Variants in POC5 observed in about 807,000 individuals in gnomAD.
POC5 encodes centrosomal protein POC5.
Under a neutral mutation model 62.9 loss-of-function variants are expected in POC5, and 48 were observed. The ratio of observed to expected loss-of-function variants is 0.76; its 90% CI spans 0.61 to 0.97. The LOEUF (loss-of-function observed/expected upper bound fraction) is 0.97, where lower values mean the gene tolerates loss of function less well. Among genes scored for constraint, POC5 ranks in the 50% least tolerant of loss-of-function variants. The pLI is 0.00. For missense variants in POC5, 696 were observed against 679.5 expected (o/e 1.02, Z -0.27); for synonymous variants, 236 against 228.2 (o/e 1.03, Z -0.31).
chr5:75,704,369 A>G (rs1304107893), intron 4 of POC5, among the ~76,000 whole-genome samples: 2 of 152,138 alleles, frequency 1.3e-5, no homozygotes. Context: ...CTTTTTTAAA[A>G]TTTGTAAGAT....
At chr5:75,696,381 G>A (rs1316068821) in intron 5 of POC5, among the ~76,000 whole-genome samples, 1 of 152,124 alleles carries the variant, frequency 6.6e-6, no homozygotes, top group African/African-American at 2.4e-5. Flanking sequence ...CGGGCAGCCT[G>A]CCTCAAGTGG....
At chr5:75,675,964 T>C (rs1198132695) in intron 11 of POC5, among the ~76,000 whole-genome samples, 2 of 152,226 alleles carry the variant, frequency 1.3e-5, no homozygotes, top group Non-Finnish European at 2.9e-5. Context: ...ACAGTACAAA[T>C]GACTGCCACT....
chr5:75,708,221 CCTGTAGTTGTAG>C (rs1777203069), intron 2 of POC5, among the ~76,000 whole-genome samples: 1 of 152,012 alleles, frequency 6.6e-6, no homozygotes, highest in South Asian at 2.1e-4. Context: ...GTGGTGTGTG[CCTGTAGTTGTAG>C]CTACTCAGGA....
intron 5 of POC5, among the ~76,000 whole-genome samples, chr5:75,699,573 T>G (rs1369755426): frequency 2.2e-5 from 3 of 134,282 alleles, no homozygotes; most frequent in Non-Finnish European, 3.3e-5. Flanking sequence ...TATCTCAAAA[T>G]AATAAGAGCT....
chr5:75,704,334 T>C (rs1013534332), intron 4 of POC5, among the ~76,000 whole-genome samples: 2 of 152,234 alleles, frequency 1.3e-5, no homozygotes, highest in African/African-American at 4.8e-5. Flanking sequence ...GATAGAGAAC[T>C]TGTTACTTAA....
chr5:75,694,564 C>T lies in POC5; in HGVS notation c.690+91G>A, dbSNP rs766223413. 19 of 1,064,292 alleles carry T rather than the reference C, an allele frequency of 1.8e-5. No individual in the cohort carries two copies. In the Middle Eastern group the frequency reaches 9.0e-4, roughly 50 times the overall value. 65.9% of individuals were successfully genotyped at this position (1,064,292 alleles called of 1,614,324 possible). A position where few individuals can be genotyped will look rare whatever the true frequency, so the allele number is the denominator to read the frequency against. On this transcript the variant is annotated intron_variant, in intron 6 of 11. Coordinates refer to ENST00000428202, the MANE Select transcript of POC5 (RefSeq NM_001099271.2). ...TGTCAGTTTCTGATAGAACCTGTAT[C>T]TTGTATGAGGTAAATAATCATTTCT...
rs543163915 is a variant in POC5 at position 75,689,980 on chromosome 5, G to A, written c.975+403C>T. Among the ~76,000 whole-genome samples the A allele has an allele frequency of 9.3e-4, 141 of 152,258 alleles. 1 individual carries two copies. Among genetic ancestry groups the A allele is most frequent in the African/African-American group, 3.3e-3 (137 of 41,552 alleles). ...AGCTCACTGCAACTTCTGCCTCCCAGGTTCAAAAGATTATCCTGCCTCAGC... is the reference window on the plus strand; with the variant it reads ...AGCTCACTGCAACTTCTGCCTCCCAAGTTCAAAAGATTATCCTGCCTCAGC... On this transcript the variant is annotated intron_variant, in intron 8 of 11. Coordinates refer to ENST00000428202, the MANE Select transcript of POC5 (RefSeq NM_001099271.2).
chr5:75,696,604 TG>T, intron 5 of POC5, among the ~76,000 whole-genome samples: 1 of 151,656 alleles, frequency 6.6e-6, no homozygotes, highest in South Asian at 2.1e-4. Context: ...ACCACAAAGA[TG>T]GGGAAAAAAC....
intron 11 of POC5, chr5:75,677,404 T>C (rs1466598638): frequency 6.5e-6 from 1 of 153,760 alleles, no homozygotes; most frequent in African/African-American, 2.4e-5. Context: ...TAATCAAATA[T>C]CTGCTACATG....
intron 10 of POC5, among the ~76,000 whole-genome samples, chr5:75,683,985 T>C (rs1338120167): frequency 6.6e-6 from 1 of 152,194 alleles, no homozygotes; most frequent in Non-Finnish European, 1.5e-5. Context: ...ATTACAGGTG[T>C]GAGCCAATAT....
rs1219578452 is a variant in POC5, at chr5:75,685,482, T to A, written c.1132A>T (p.Ile378Leu). 6.2e-7 allele frequency: 1 copy of A among 1,602,868 alleles called. No individual in the cohort carries two copies. Among genetic ancestry groups the A allele is most frequent in the African/African-American group, 1.3e-5 (1 of 74,606 alleles). Reference protein sequence around the residue: ...TIFQNRNDAGIDSTNNKKEEY... With the variant: ...TIFQNRNDAGLDSTNNKKEEY... The stretch of plus-strand genomic sequence containing the variant: ...TCCTTTTTATTATTTGTGGAGTCTA[T>A]CCCTATAAATCACAAATTAATTCCA... The change falls in exon 10 of 12, where the codon ATA becomes TTA. Residue 378 changes from isoleucine (I) to leucine (L), a missense_variant and splice_region_variant. Coordinates refer to ENST00000428202, the MANE Select transcript of POC5 (RefSeq NM_001099271.2).
At chr5:75,694,206 T>C (rs981510633) in intron 6 of POC5, among the ~76,000 whole-genome samples, 5 of 152,028 alleles carry the variant, frequency 3.3e-5, no homozygotes, top group African/African-American at 1.2e-4. Flanking sequence ...AAAAAAAGAA[T>C]GTGAGATCCT....
At chr5:75,711,712 A>G (rs976013704) in intron 2 of POC5, among the ~76,000 whole-genome samples, 3 of 152,232 alleles carry the variant, frequency 2.0e-5, no homozygotes, top group East Asian at 3.8e-4. Flanking sequence ...ATTAGTTGAC[A>G]GTAATAGACT....
At chr5:75,701,217 G>T (rs368411048) in intron 5 of POC5, among the ~76,000 whole-genome samples, 5 of 142,260 alleles carry the variant, frequency 3.5e-5, no homozygotes, top group East Asian at 2.0e-4. Flanking sequence ...ATCCCATTAC[G>T]GGGTATATAC....
intron 4 of POC5, among the ~76,000 whole-genome samples, chr5:75,703,144 T>G (rs190336825): frequency 1.2e-4 from 19 of 152,294 alleles, no homozygotes; most frequent in Middle Eastern, 6.8e-3. Flanking sequence ...GTGCTTTCTG[T>G]TTCTGTAATA....
intron 9 of POC5, among the ~76,000 whole-genome samples, chr5:75,687,481 G>A (rs1245258480): frequency 6.6e-6 from 1 of 152,122 alleles, no homozygotes; most frequent in Non-Finnish European, 1.5e-5. Context: ...GCCTTTGGTA[G>A]CTCTACCAAC....
intron 2 of POC5, chr5:75,712,519 T>G: frequency 7.0e-7 from 1 of 1,421,822 alleles, no homozygotes; most frequent in Non-Finnish European, 9.8e-7. Context: ...TGTATTAATT[T>G]GCATTAAAAG....
chr5:75,716,253 A>G (rs982075154), intron 1 of POC5, among the ~76,000 whole-genome samples: 9 of 152,082 alleles, frequency 5.9e-5, no homozygotes, highest in African/African-American at 2.2e-4. Context: ...GGAGGATAAA[A>G]TAAGTGCATG....
intron 11 of POC5, among the ~76,000 whole-genome samples, chr5:75,676,944 A>C (rs1159499819): frequency 6.6e-6 from 1 of 152,160 alleles, no homozygotes; most frequent in Non-Finnish European, 1.5e-5. Flanking sequence ...ATTCGTACAC[A>C]TTTGTAGGAA....
Sources: allele counts gnomAD v4.1 joint callset (sites outside exome capture counted in the v4.1 genomes callset), GRCh38; gene constraint gnomAD v4.1.1; transcripts MANE v1.5; gene names NCBI Gene and HGNC (gene_info 2026-07-23, HGNC 2026-07-21).